Variants in PLAC1 observed in about 807,000 individuals in gnomAD.
PLAC1 encodes placenta associated 1, also known as placenta-specific protein 1.
For missense variants in PLAC1, 136 were observed against 163.2 expected (o/e 0.83, Z 0.91); for synonymous variants, 68 against 62.1 (o/e 1.09, Z -0.44).
At chrX:134,617,396 C>T (rs752283898) in intron 1 of PLAC1, among the ~76,000 whole-genome samples, 14 of 111,813 alleles carry the variant, frequency 1.3e-4, no homozygotes, top group Non-Finnish European at 2.4e-4. Flanking sequence ...GGATCCTTGC[C>T]TAGTACTGGA....
chrX:134,700,931 A>G (rs747104234), intron 2 of PLAC1, among the ~76,000 whole-genome samples: 1 of 112,135 alleles, frequency 8.9e-6, no homozygotes, highest in Admixed American at 9.5e-5. Flanking sequence ...ATAATTAGAA[A>G]AAAATTCTAA....
intron 2 of PLAC1, among the ~76,000 whole-genome samples, chrX:134,674,061 G>T (rs2078465034): frequency 8.9e-6 from 1 of 112,377 alleles, no homozygotes; most frequent in South Asian, 3.7e-4. Context: ...CCTACGGAGT[G>T]AAACACAAGA....
chrX:134,749,167 A>G (rs1027413922), intron 1 of PLAC1, among the ~76,000 whole-genome samples: 2 of 111,618 alleles, frequency 1.8e-5, no homozygotes, highest in African/African-American at 3.3e-5. Context: ...AAATACAACA[A>G]TTAGGCGGGC....
chrX:134,684,411 T>TAA lies in PLAC1; in HGVS notation n.174+49022_174+49023dup, dbSNP rs10606569. Among the ~76,000 whole-genome samples the TAA allele has an allele frequency of 4.0e-3, 324 of 80,934 alleles. 2 individuals are homozygous for TAA. The highest frequency in any genetic ancestry group is 0.01 in the African/African-American group (229 of 22,091). 70.3% of individuals were successfully genotyped at this position (80,934 alleles called of 115,157 possible). On this transcript the variant is annotated intron_variant and non_coding_transcript_variant, in intron 2 of 2. Coordinates refer to the PLAC1 transcript ENST00000466797. The stretch of plus-strand genomic sequence containing the variant: ...TGAATGTTACTGAGTGCTCTGCCAC[T>TAA]AAAAAAAAAAAAAAAAAAAAAACAC...
chrX:134,682,954 C>T (rs1288366181), intron 2 of PLAC1, among the ~76,000 whole-genome samples: 1 of 111,925 alleles, frequency 8.9e-6, no homozygotes, highest in Non-Finnish European at 1.9e-5. Flanking sequence ...AGTAAAAGAG[C>T]ATATGGACTC....
At chrX:134,699,657 A>T (rs1372775212) in intron 2 of PLAC1, among the ~76,000 whole-genome samples, 1 of 112,556 alleles carries the variant, frequency 8.9e-6, no homozygotes, top group Non-Finnish European at 1.9e-5. Context: ...GTACATTGTT[A>T]TAGCAGTGCA....
upstream of PLAC1, among the ~76,000 whole-genome samples, chrX:134,660,460 A>C (rs1212346556): frequency 8.9e-6 from 1 of 112,243 alleles, no homozygotes; most frequent in Admixed American, 9.4e-5. Context: ...AATAGTTTGA[A>C]AAATACAGGT....
exon 1 of PLAC1, chrX:134,764,258 C>A (rs2078778282): frequency 8.9e-6 from 1 of 112,446 alleles, no homozygotes; most frequent in Admixed American, 9.4e-5. Context: ...CCTTGACAGA[C>A]TCCTCGTGTA....
rs184923410 is a variant in PLAC1 at position 134,698,216 on chromosome X, C to T, written n.174+35219G>A. On this transcript the variant is annotated intron_variant and non_coding_transcript_variant, in intron 2 of 2. Coordinates refer to the PLAC1 transcript ENST00000466797. ...CCTGTAATCCCTGCATTTTGGGAGGCTGAGGTGGGTGGATCACCTGAGGTC... is the reference window on the plus strand; with the variant it reads ...CCTGTAATCCCTGCATTTTGGGAGGTTGAGGTGGGTGGATCACCTGAGGTC... Among the ~76,000 whole-genome samples the T allele has an allele frequency of 4.1e-3, 451 of 111,288 alleles. 1 individual carries two copies. The highest frequency in any genetic ancestry group is 0.014 in the African/African-American group (437 of 30,576).
At chrX:134,694,896 A>T (rs985311838) in intron 2 of PLAC1, among the ~76,000 whole-genome samples, 1 of 112,427 alleles carries the variant, frequency 8.9e-6, no homozygotes, top group African/African-American at 3.2e-5. Context: ...GCTTTGTCCT[A>T]TTAGAGATCA....
chrX:134,734,206 A>G (rs1194959744), intron 1 of PLAC1, among the ~76,000 whole-genome samples: 1 of 112,951 alleles, frequency 8.9e-6, no homozygotes, highest in Non-Finnish European at 1.9e-5. Flanking sequence ...GAAGGTTTAG[A>G]ATAAATCCTC....
intron 2 of PLAC1, among the ~76,000 whole-genome samples, chrX:134,599,725 TC>T (rs2124383697): frequency 9.0e-6 from 1 of 111,624 alleles, no homozygotes; most frequent in South Asian, 3.8e-4. Flanking sequence ...TTTTCAGACT[TC>T]CTAAGTTTTT....
chrX:134,590,182 G>A (rs1199464191), intron 2 of PLAC1, among the ~76,000 whole-genome samples: 2 of 103,342 alleles, frequency 1.9e-5, no homozygotes, highest in Non-Finnish European at 4.0e-5. Flanking sequence ...GCAACAGAGT[G>A]AGACTCCATC....
intron 1 of PLAC1, among the ~76,000 whole-genome samples, chrX:134,653,827 C>A (rs1481566048): frequency 8.9e-6 from 1 of 112,148 alleles, no homozygotes; most frequent in African/African-American, 3.2e-5. Flanking sequence ...CCAAGGTCTG[C>A]AAGCTGTGTA....
At chrX:134,742,107 G>T (rs1404792956) in intron 1 of PLAC1, among the ~76,000 whole-genome samples, 1 of 112,521 alleles carries the variant, frequency 8.9e-6, no homozygotes, top group African/African-American at 3.2e-5. Context: ...GCTGTCTAAA[G>T]CAGGCCACTG....
At chrX:134,626,350 C>T (rs951676549) in intron 1 of PLAC1, among the ~76,000 whole-genome samples, 1 of 112,623 alleles carries the variant, frequency 8.9e-6, no homozygotes, top group East Asian at 2.8e-4. Context: ...CAACAGTTTA[C>T]TCCCAGTGTT....
rs144993789 is a variant in PLAC1 at position 134,613,597 on chromosome X, G to C, written c.-130-11475C>G. Among the ~76,000 whole-genome samples the C allele has an allele frequency of 5.8e-3, 642 of 111,094 alleles. 3 individuals are homozygous for C. Among genetic ancestry groups the C allele is most frequent in the African/African-American group, 0.02 (610 of 30,582 alleles). On this transcript the variant is annotated intron_variant, in intron 1 of 2. Coordinates refer to ENST00000359237, the MANE Select transcript of PLAC1 (RefSeq NM_021796.4). The stretch of plus-strand genomic sequence containing the variant: ...GTCTTGCCTGGTTTTCTTCAAGCAG[G>C]GCACGTGCTCCTGGATGAAAGAGGC...
chrX:134,584,818 A>T lies in PLAC1; in HGVS notation c.-59+17233T>A, dbSNP rs149469350. Among the ~76,000 whole-genome samples the T allele has an allele frequency of 2.9e-3, 328 of 111,388 alleles. 1 individual carries two copies. The highest frequency in any genetic ancestry group is 0.01 in the African/African-American group (310 of 30,610). On this transcript the variant is annotated intron_variant, in intron 2 of 2. Transcript: ENST00000359237. ...TGCCTGTGTGACAAGCTCTCACCAC[A>T]GAAGCAACAGCGATTTTAATCTTGA...
At chrX:134,655,227 A>G (rs1035380339) in intron 1 of PLAC1, among the ~76,000 whole-genome samples, 9 of 110,573 alleles carry the variant, frequency 8.1e-5, no homozygotes, top group Non-Finnish European at 1.9e-5. Context: ...ACGTACAAAT[A>G]GATCAAAGAA....
Sources: allele counts gnomAD v4.1 joint callset (sites outside exome capture counted in the v4.1 genomes callset), GRCh38; gene constraint gnomAD v4.1.1; transcripts MANE v1.5; gene names NCBI Gene and HGNC (gene_info 2026-07-23, HGNC 2026-07-21).